ERBIN: variants seen among roughly 807,000 people sequenced by gnomAD.
ERBIN encodes the protein erbb2 interacting protein.
Under a neutral mutation model 158.4 loss-of-function variants are expected in ERBIN, and 60 were observed. That is an observed-to-expected ratio of 0.38 (90% CI 0.31 to 0.47). ERBIN has a LOEUF of 0.47. ERBIN is among the 20% of genes least tolerant of loss of function. The pLI, the probability that ERBIN is intolerant of heterozygous loss-of-function variation, is 0.99. For missense variants in ERBIN, 1,610 were observed against 1,648.0 expected (o/e 0.98, Z 0.40); for synonymous variants, 594 against 557.2 (o/e 1.07, Z -0.93).
chr5:65,975,510 T>A (rs1166664519), intron 1 of ERBIN, among the ~76,000 whole-genome samples: 2 of 152,228 alleles, frequency 1.3e-5, no homozygotes, highest in African/African-American at 4.8e-5. Flanking sequence ...TTCACCATGT[T>A]GGCCAGGCTG....
chr5:66,040,423 AAGAAT>A (rs1199423441), intron 15 of ERBIN, among the ~76,000 whole-genome samples: 7 of 152,066 alleles, frequency 4.6e-5, no homozygotes, highest in Admixed American at 4.6e-4. Flanking sequence ...TTCTGATAGG[AAGAAT>A]AGAAGTAGCA....
At chr5:66,057,044 TTTATC>T (rs1190746231) in intron 21 of ERBIN, among the ~76,000 whole-genome samples, 38 of 152,336 alleles carry the variant, frequency 2.5e-4, no homozygotes, top group African/African-American at 8.7e-4. Flanking sequence ...ACGTGAAACT[TTTATC>T]TTAAATGGAT....
In ERBIN at chr5:66,053,951, T is replaced by G. The variant is rs1214937996; in HGVS notation, c.2633T>G (p.Ile878Ser). 24 of 1,613,926 alleles carry G rather than the reference T, an allele frequency of 1.5e-5. No homozygotes were observed. The highest frequency in any genetic ancestry group is 1.9e-5 in the Non-Finnish European group (22 of 1,180,012). The change falls in exon 21 of 26, where the codon ATT (isoleucine) becomes AGT (serine). Residue 878 changes from isoleucine to serine, a missense_variant. Ile to Ser is a moderately radical substitution (Grantham distance 142, BLOSUM62 -2). Around this residue, in one of 2 missense-constraint regions of ERBIN, gnomAD observed 1,014 missense variants for 936.1 expected, o/e 1.08. Transcript: ENST00000284037. Reference sequence around the variant, plus strand: ...TCTCATAGCATAACTAATATGGAGATTGGAGGGCTAAAAATCTATGATATT... The same window carrying G: ...TCTCATAGCATAACTAATATGGAGAGTGGAGGGCTAAAAATCTATGATATT... ...VKSHSITNME[I>S]GGLKIYDILS...
rs1397408403 is a variant in ERBIN at position 66,048,922 on chromosome 5, T to G, written c.1903+141T>G. On this transcript the variant is annotated intron_variant, in intron 19 of 25. Coordinates refer to ENST00000284037, the MANE Select transcript of ERBIN (RefSeq NM_001253697.2). ...TTAGACATGGCTTTCTGAAAGGTTCTCTTTCCTTCTCTCTCATTTTTAGGG... is the reference window on the plus strand; with the variant it reads ...TTAGACATGGCTTTCTGAAAGGTTCGCTTTCCTTCTCTCTCATTTTTAGGG... The G allele has an allele frequency of 7.4e-6, 4 of 540,324 alleles. No individual in the cohort carries two copies. The African/African-American group carries it at 8.0e-5, about 11-fold the overall frequency. 33.5% of individuals were successfully genotyped at this position (540,324 alleles called of 1,614,324 possible).
intron 17 of ERBIN, among the ~76,000 whole-genome samples, chr5:66,044,884 T>C (rs955097253): frequency 6.6e-6 from 1 of 151,514 alleles, no homozygotes; most frequent in African/African-American, 2.4e-5. Flanking sequence ...GAGAACAGCC[T>C]GATGAAGATG....
In ERBIN at chr5:66,054,422, A is replaced by G. The variant is rs137933401; in HGVS notation, c.3104A>G (p.Asn1035Ser). 3.4e-4 allele frequency: 547 copies of G among 1,614,146 alleles called. No individual in the cohort carries two copies. Among genetic ancestry groups the G allele is most frequent in the South Asian group, 1.1e-3 (102 of 91,070 alleles). The change falls in exon 21 of 26, where the codon AAT becomes AGT. Residue 1035 changes from asparagine (N) to serine (S), a missense_variant. Asn to Ser is a conservative substitution (Grantham distance 46). Coordinates refer to ENST00000284037, the MANE Select transcript of ERBIN (RefSeq NM_001253697.2). ...SANMNFSNHN[N>S]VRANTAYHLH... ...AATATGAATTTCTCTAATCATAACA[A>G]TGTTCGAGCTAATACTGCATACCAT... is the stretch of plus-strand genomic sequence containing the variant.
At chr5:65,999,763 G>A (rs768180712) in intron 4 of ERBIN, among the ~76,000 whole-genome samples, 4 of 152,070 alleles carry the variant, frequency 2.6e-5, no homozygotes, top group Non-Finnish European at 5.9e-5. Flanking sequence ...AATGTCTGCC[G>A]TTTCAGACTT....
At chr5:65,956,450 C>T (rs1367738577) in intron 1 of ERBIN, among the ~76,000 whole-genome samples, 6 of 143,018 alleles carry the variant, frequency 4.2e-5, no homozygotes, top group East Asian at 4.1e-4. Context: ...GATCTCGGCT[C>T]ACTGCAACCT....
chr5:65,977,139 C>CA (rs1554051333), intron 1 of ERBIN, among the ~76,000 whole-genome samples: 5 of 141,634 alleles, frequency 3.5e-5, no homozygotes, highest in Admixed American at 3.5e-4. Flanking sequence ...GCTGGCCGGG[C>CA]GGGGGGCTGA....
At position 66,053,501 on chromosome 5, in the gene ERBIN, TTAACTTACCTGAATA is replaced by T; in HGVS notation, c.2185_2199del (p.Asn729_Tyr733del). On this transcript the variant is annotated inframe_deletion, in exon 21 of 26. Coordinates refer to ENST00000284037, the MANE Select transcript of ERBIN (RefSeq NM_001253697.2). ...TTCAAAGCTCATGATAAAAAAGATT[TTAACTTACCTGAATA>T]TGATTTGAATGTTGAAGAGCGATTA... is the stretch of plus-strand genomic sequence containing the variant. The T allele has an allele frequency of 6.2e-7, 1 of 1,609,404 alleles. No individual in the cohort carries two copies.
chr5:66,013,777 CTTTG>C (rs978376436), intron 6 of ERBIN, 139 bp downstream of exon 6: 8 of 570,664 alleles, frequency 1.4e-5, no homozygotes, highest in African/African-American at 1.9e-5. Flanking sequence ...GACTTTTATA[CTTTG>C]TTTGGTGGCT....
Position 66,075,144 on chromosome 5 carries a change from T to G in ERBIN, c.3877T>G (p.Tyr1293Asp). 6.2e-7 allele frequency: 1 copy of G among 1,614,176 alleles called. No individual in the cohort carries two copies. Among genetic ancestry groups the G allele is most frequent in the East Asian group, 2.2e-5 (1 of 44,882 alleles). The change falls in exon 23 of 26, where the codon TAC (tyrosine) becomes GAC (aspartate). Residue 1293 changes from tyrosine to aspartate, a missense_variant. Around this residue, in one of 2 missense-constraint regions of ERBIN, gnomAD observed 1,014 missense variants for 936.1 expected, o/e 1.08. Coordinates refer to ENST00000284037, the MANE Select transcript of ERBIN (RefSeq NM_001253697.2). Reference sequence around the variant, plus strand: ...TCCCTCTAGAGAACAACTAATTGATTACTTGATGCTGAAAGTGGCCCACCA... The same window carrying G: ...TCCCTCTAGAGAACAACTAATTGATGACTTGATGCTGAAAGTGGCCCACCA... ...RHPSREQLIDYLMLKVAHQPP... is the reference protein window; with the variant it reads ...RHPSREQLIDDLMLKVAHQPP...
At chr5:66,073,838 A>T (rs1258858623) in intron 22 of ERBIN, among the ~76,000 whole-genome samples, 1 of 152,048 alleles carries the variant, frequency 6.6e-6, no homozygotes, top group Non-Finnish European at 1.5e-5. Flanking sequence ...TCTACACAAA[A>T]ATCTTTTTAT....
At chr5:65,974,097 T>C (rs182089367) in intron 1 of ERBIN, among the ~76,000 whole-genome samples, 1 of 151,302 alleles carries the variant, frequency 6.6e-6, no homozygotes, top group Admixed American at 6.5e-5. Flanking sequence ...AAAATAACCC[T>C]GATGTGGTGG....
intron 21 of ERBIN, among the ~76,000 whole-genome samples, chr5:66,071,515 T>G (rs1225890767): frequency 6.6e-6 from 1 of 152,244 alleles, no homozygotes; most frequent in Admixed American, 6.5e-5. Context: ...TTAATAGCAT[T>G]TCTCCATATC....
intron 24 of ERBIN, 124 bp downstream of exon 24, chr5:66,076,532 C>T: frequency 2.7e-6 from 2 of 754,190 alleles, no homozygotes; most frequent in South Asian, 3.3e-5. Context: ...CTGGATTCCC[C>T]ACTCTATTGC....
chr5:65,989,612 T>C (rs1751655013), intron 2 of ERBIN, among the ~76,000 whole-genome samples: 1 of 152,218 alleles, frequency 6.6e-6, no homozygotes, highest in Non-Finnish European at 1.5e-5. Flanking sequence ...TTGTTATATC[T>C]CCATGAACAA....
At chr5:65,962,523 T>C (rs1460927408) in intron 1 of ERBIN, among the ~76,000 whole-genome samples, 2 of 152,208 alleles carry the variant, frequency 1.3e-5, no homozygotes, top group Non-Finnish European at 2.9e-5. Flanking sequence ...TACTATAACA[T>C]AGTGTGTTAA....
chr5:65,942,019 C>T (rs986934627), intron 1 of ERBIN, among the ~76,000 whole-genome samples: 4 of 152,156 alleles, frequency 2.6e-5, no homozygotes, highest in African/African-American at 7.2e-5. Context: ...GGATTACAGG[C>T]GTGAGCCACT....
Sources: gnomAD v4.1 joint callset for allele counts (sites outside exome capture counted in the v4.1 genomes callset) on GRCh38, gnomAD v4.1.1 for gene constraint, gnomAD v4.1.1 regional missense constraint, MANE v1.5 for transcripts, NCBI Gene and HGNC (gene_info 2026-07-23, HGNC 2026-07-21) for gene names.